The following GLIS3 variants were observed in gnomAD, a reference collection of about 807,000 sequenced individuals.
The protein encoded by GLIS3 is GLIS family zinc finger 3.
A neutral mutation model predicts 78.6 loss-of-function variants in GLIS3; 53 were observed. The ratio of observed to expected loss-of-function variants is 0.67; its 90% CI spans 0.54 to 0.85. The LOEUF (loss-of-function observed/expected upper bound fraction) is 0.85. Among genes scored for constraint, GLIS3 ranks in the 40% least tolerant of loss-of-function variants. The pLI, the probability that GLIS3 is intolerant of heterozygous loss-of-function variation, is 0.00. For synonymous variants in GLIS3, 684 were observed against 509.9 expected (o/e 1.34, Z -4.60); for missense variants, 1,703 against 1,231.1 (o/e 1.38, Z -5.74).
At chr9:4,438,914 G>C in the GLIS3 span, among the ~76,000 whole-genome samples, 1 of 152,144 alleles carries the variant, frequency 6.6e-6, no homozygotes, top group African/African-American at 2.4e-5. Flanking sequence ...TTAGCAGCGT[G>C]AGAACAGACT....
intron 4 of GLIS3, among the ~76,000 whole-genome samples, chr9:3,950,661 G>C (rs1051847211): frequency 6.6e-6 from 1 of 152,198 alleles, no homozygotes; most frequent in African/African-American, 2.4e-5. Context: ...CAGTGGTTAT[G>C]TTTAGTCTCT....
At chr9:4,308,905 T>C (rs772912135) in exon 4 of GLIS3, 2 of 152,230 alleles carry the variant, frequency 1.3e-5, no homozygotes, top group Non-Finnish European at 2.9e-5. Flanking sequence ...TAGTCCTGGC[T>C]CCACATTTAA....
At chr9:4,480,157 C>T in the GLIS3 span, among the ~76,000 whole-genome samples, 1 of 150,258 alleles carries the variant, frequency 6.7e-6, no homozygotes, top group African/African-American at 2.4e-5. Context: ...CTTTCTTACA[C>T]TACAGAAGAA....
chr9:4,065,461 T>G (rs1429257755), intron 4 of GLIS3, among the ~76,000 whole-genome samples: 1 of 152,222 alleles, frequency 6.6e-6, no homozygotes, highest in African/African-American at 2.4e-5. Context: ...AAGTGAGAAA[T>G]TTTCTGTCAT....
chr9:4,065,416 T>G (rs1164290177), intron 4 of GLIS3, among the ~76,000 whole-genome samples: 1 of 152,256 alleles, frequency 6.6e-6, no homozygotes. Context: ...TTTACCTCTT[T>G]TGAGTCTTTT....
chr9:4,366,426 C>CCCA, the GLIS3 span, among the ~76,000 whole-genome samples: 4 of 152,046 alleles, frequency 2.6e-5, no homozygotes, highest in African/African-American at 9.7e-5. Context: ...GGAAAGGAGG[C>CCCA]CCACACCATG....
the GLIS3 span, among the ~76,000 whole-genome samples, chr9:4,383,433 T>C: frequency 6.6e-6 from 1 of 152,250 alleles, no homozygotes; most frequent in African/African-American, 2.4e-5. Context: ...AATGTGGGTC[T>C]ACCCTGAGTC....
intron 8 of GLIS3, among the ~76,000 whole-genome samples, chr9:3,877,303 TTC>T (rs2130443335): frequency 1.3e-5 from 2 of 152,380 alleles, no homozygotes; most frequent in South Asian, 4.1e-4. Flanking sequence ...AGAAAAGATT[TTC>T]TGTCTGCAAC....
rs549234276 is a variant in GLIS3, at chr9:3,961,953, C to T, written c.1711-24764G>A. Among the ~76,000 whole-genome samples the T allele has an allele frequency of 2.2e-4, 34 of 152,268 alleles. No individual in the cohort carries two copies. In the South Asian group the frequency reaches 6.8e-3, roughly 31 times the overall value. On this transcript the variant is annotated intron_variant, in intron 4 of 10. Transcript: ENST00000381971. ...GGCATGGTGGCTCACACCTGTGATC[C>T]TAGCACTTTGGGAGGCCGAGGCAGG...
the GLIS3 span, among the ~76,000 whole-genome samples, chr9:4,427,584 C>T: frequency 5.1e-4 from 77 of 152,206 alleles, no homozygotes; most frequent in African/African-American, 1.7e-3. Flanking sequence ...AGTGGCTGGG[C>T]GCAGTGGCTC....
chr9:4,418,658 C>T, the GLIS3 span, among the ~76,000 whole-genome samples: 2 of 151,972 alleles, frequency 1.3e-5, no homozygotes, highest in Non-Finnish European at 2.9e-5. Context: ...GAGATCACGC[C>T]ACTGCACTCC....
chr9:4,220,297 A>G (rs756045683), intron 2 of GLIS3, among the ~76,000 whole-genome samples: 11 of 152,380 alleles, frequency 7.2e-5, no homozygotes, highest in Non-Finnish European at 1.3e-4. Context: ...AGCAGAGGGT[A>G]AAAGTTTGAT....
intron 2 of GLIS3, among the ~76,000 whole-genome samples, chr9:4,227,722 T>C (rs1258300341): frequency 6.6e-6 from 1 of 152,168 alleles, no homozygotes; most frequent in Admixed American, 6.5e-5. Flanking sequence ...CATATTATCA[T>C]GGGATGAAAC....
At chr9:4,394,838 T>G in the GLIS3 span, among the ~76,000 whole-genome samples, 1 of 152,204 alleles carries the variant, frequency 6.6e-6, no homozygotes, top group Non-Finnish European at 1.5e-5. Context: ...AACAAAACAC[T>G]GCCAAATATA....
At chr9:4,470,180 G>C in the GLIS3 span, among the ~76,000 whole-genome samples, 43 of 152,130 alleles carry the variant, frequency 2.8e-4, no homozygotes, top group Non-Finnish European at 5.0e-4. Context: ...GAGGTACAAA[G>C]AGGAGCTGGT....
chr9:3,975,180 T>A (rs1818675610), intron 4 of GLIS3: 1 of 152,144 alleles, frequency 6.6e-6, no homozygotes, highest in African/African-American at 2.4e-5. Context: ...CCCTATGAAA[T>A]CTTCTTGGCT....
At position 4,075,411 on chromosome 9, in the gene GLIS3, C is replaced by CAAAA. The variant is rs59194808; in HGVS notation, c.1710+42353_1710+42356dup. Among the ~76,000 whole-genome samples, 13 of 118,160 alleles carry CAAAA rather than the reference C, an allele frequency of 1.1e-4. 2 individuals are homozygous for CAAAA. Among genetic ancestry groups the CAAAA allele is most frequent in the Admixed American group, 8.3e-4 (9 of 10,824 alleles). The allele number at this position is 118,160 out of a possible 152,430, so 77.5% of individuals were successfully genotyped here. A position where few individuals can be genotyped will look rare whatever the true frequency, so the allele number is the denominator to read the frequency against. ...GTGAAACCCGTCTCTACTAAAAATA[C>CAAAA]AAAAAAAAAAAAAAATTAGCTGGGC... On this transcript the variant is annotated intron_variant, in intron 4 of 10. Transcript: ENST00000381971.
intron 4 of GLIS3, among the ~76,000 whole-genome samples, chr9:4,087,506 A>G (rs886159891): frequency 1.3e-5 from 2 of 152,208 alleles, no homozygotes; most frequent in Non-Finnish European, 2.9e-5. Context: ...TCCAGTGAAA[A>G]TACCCCAACT....
chr9:4,092,771 T>C (rs183292914), intron 4 of GLIS3, among the ~76,000 whole-genome samples: 1 of 152,346 alleles, frequency 6.6e-6, no homozygotes, highest in African/African-American at 2.4e-5. Context: ...AACTTTCTTT[T>C]ATAAACAGAA....
Sources: allele counts gnomAD v4.1 joint callset (sites outside exome capture counted in the v4.1 genomes callset), GRCh38; gene constraint gnomAD v4.1.1; transcripts MANE v1.5; gene names NCBI Gene and HGNC (gene_info 2026-07-23, HGNC 2026-07-21).